The following CLIC5 variants were observed in gnomAD, a reference collection of about 807,000 sequenced individuals.
CLIC5 encodes the protein CLIC family member 5.
Under a neutral mutation model 24.7 loss-of-function variants are expected in CLIC5, and 20 were observed. The observed-to-expected ratio is 0.81, with a 90% CI of 0.57 to 1.18. CLIC5 has a LOEUF of 1.18. Among genes scored for constraint, CLIC5 ranks in the 50% most tolerant of loss-of-function variants. The probability of loss-of-function intolerance (pLI) is 0.00; values close to 1 mark genes in which losing one functional copy is unlikely to be tolerated. For synonymous variants in CLIC5, 159 were observed against 135.6 expected (o/e 1.17, Z -1.20); for missense variants, 341 against 326.1 (o/e 1.05, Z -0.35).
At chr6:45,912,300 CATCTTCTTTTTG>C in intron 5 of CLIC5, 3 of 1,004,396 alleles carry the variant, frequency 3.0e-6, no homozygotes, top group Non-Finnish European at 3.6e-6. Context: ...TTTCATTGGC[CATCTTCTTTTTG>C]ATCTCCAGCT....
intron 1 of CLIC5, among the ~76,000 whole-genome samples, chr6:46,060,954 G>T (rs1762246685): frequency 6.6e-6 from 1 of 152,152 alleles, no homozygotes; most frequent in Admixed American, 6.5e-5. Context: ...CCCCAACTTG[G>T]ACTGTTTTCT....
chr6:45,973,197 T>C (rs536697164), intron 1 of CLIC5, among the ~76,000 whole-genome samples: 41 of 152,334 alleles, frequency 2.7e-4, no homozygotes, highest in South Asian at 2.5e-3. Context: ...CCTCTTTGCC[T>C]GTGGGACCAG....
At chr6:45,959,518 TTTGTTGTTGTTGTTG>T (rs151117400) in intron 1 of CLIC5, among the ~76,000 whole-genome samples, 77 of 151,536 alleles carry the variant, frequency 5.1e-4, no homozygotes, top group Non-Finnish European at 9.3e-4. Context: ...ATATGGGGCT[TTTGTTGTTGTTGTTG>T]TTGTTGTTGT....
intron 1 of CLIC5, among the ~76,000 whole-genome samples, chr6:45,978,671 A>G (rs1461732841): frequency 6.6e-6 from 1 of 152,192 alleles, no homozygotes; most frequent in Non-Finnish European, 1.5e-5. Context: ...GAAAATAATT[A>G]TGAGGCTGGG....
chr6:45,941,514 G>T, intron 4 of CLIC5, 33 bp downstream of exon 4: 2 of 1,519,572 alleles, frequency 1.3e-6, no homozygotes, highest in Non-Finnish European at 1.8e-6. Context: ...ATAGACCACT[G>T]CCAAGGGTTC....
intron 1 of CLIC5, among the ~76,000 whole-genome samples, chr6:46,058,609 G>A (rs948512432): frequency 6.6e-6 from 1 of 152,208 alleles, no homozygotes; most frequent in Non-Finnish European, 1.5e-5. Flanking sequence ...CAATCTGGAG[G>A]GACCTGCTGA....
rs1562019442 is a variant in CLIC5, at chr6:46,040,026, C to A, written c.540+39677G>T. On this transcript the variant is annotated intron_variant, in intron 1 of 5. Coordinates refer to the CLIC5 transcript ENST00000185206. ...CTGTGTCTTTGATTCAGGGTCCCAA[C>A]CTCTCAGCATCCATTTTCTAATCAG... 7.9e-5 allele frequency among the ~76,000 whole-genome samples: 12 copies of A among 152,308 alleles called. 1 individual carries two copies. In the South Asian group the frequency reaches 2.5e-3, roughly 32 times the overall value.
chr6:45,923,558 C>T (rs1763357013), intron 4 of CLIC5, among the ~76,000 whole-genome samples: 1 of 152,196 alleles, frequency 6.6e-6, no homozygotes, highest in Non-Finnish European at 1.5e-5. Context: ...GTTGCCCATT[C>T]TTTTATTTGT....
chr6:46,125,522 A>G, the CLIC5 span, among the ~76,000 whole-genome samples: 1 of 152,220 alleles, frequency 6.6e-6, no homozygotes, highest in Non-Finnish European at 1.5e-5. Flanking sequence ...ACATGTATAC[A>G]TATGTAACAA....
chr6:45,999,366 G>A (rs114526805), intron 1 of CLIC5, among the ~76,000 whole-genome samples: 1 of 152,104 alleles, frequency 6.6e-6, no homozygotes, highest in African/African-American at 2.4e-5. Context: ...CATTTGCTGG[G>A]TATATGGTGT....
chr6:46,088,556 A>G, the CLIC5 span, among the ~76,000 whole-genome samples: 1 of 152,270 alleles, frequency 6.6e-6, no homozygotes, highest in East Asian at 1.9e-4. Context: ...CATTTCCACT[A>G]CCCAAAGATA....
intron 1 of CLIC5, among the ~76,000 whole-genome samples, chr6:46,070,081 TAA>T (rs1421651944): frequency 2.6e-5 from 4 of 152,062 alleles, no homozygotes; most frequent in Non-Finnish European, 5.9e-5. Context: ...CTCAAAATAA[TAA>T]GAGCCATCTG....
At chr6:46,035,793 G>A (rs572455721) in intron 1 of CLIC5, among the ~76,000 whole-genome samples, 3 of 151,938 alleles carry the variant, frequency 2.0e-5, no homozygotes, top group Admixed American at 2.0e-4. Flanking sequence ...TCACCAGGCT[G>A]GAGTGCAGTG....
intron 1 of CLIC5, among the ~76,000 whole-genome samples, chr6:45,999,858 G>T (rs1766289117): frequency 1.2e-5 from 1 of 82,494 alleles, no homozygotes; most frequent in African/African-American, 5.1e-5. Flanking sequence ...CCATTCTCCT[G>T]CCTCAGCCTC....
intron 1 of CLIC5, among the ~76,000 whole-genome samples, chr6:46,035,649 A>G (rs999726235): frequency 6.6e-6 from 1 of 152,186 alleles, no homozygotes; most frequent in Admixed American, 6.5e-5. Context: ...GATTTGTACA[A>G]TTGCTCAACT....
intron 2 of CLIC5, among the ~76,000 whole-genome samples, chr6:45,949,954 T>C (rs1216265731): frequency 6.6e-6 from 1 of 152,248 alleles, no homozygotes; most frequent in East Asian, 1.9e-4. Context: ...AACAGAATAC[T>C]CTTTTTGAGT....
chr6:46,054,236 C>T (rs1768183998), intron 1 of CLIC5, among the ~76,000 whole-genome samples: 1 of 152,286 alleles, frequency 6.6e-6, no homozygotes, highest in East Asian at 1.9e-4. Flanking sequence ...TCTGCCAGCA[C>T]TTGCCCTTCC....
chr6:45,920,400 C>G, intron 4 of CLIC5: 2 of 606,486 alleles, frequency 3.3e-6, no homozygotes, highest in Non-Finnish European at 4.1e-6. Context: ...TTGAGAAATA[C>G]CTGGAGCACT....
chr6:46,121,441 T>C, the CLIC5 span, among the ~76,000 whole-genome samples: 1 of 152,040 alleles, frequency 6.6e-6, no homozygotes, highest in Non-Finnish European at 1.5e-5. Flanking sequence ...GCACTAAACA[T>C]GGAAAGGAAC....
Sources: allele counts gnomAD v4.1 joint callset (sites outside exome capture counted in the v4.1 genomes callset), GRCh38; gene constraint gnomAD v4.1.1; transcripts MANE v1.5; gene names NCBI Gene and HGNC (gene_info 2026-07-23, HGNC 2026-07-21).